UST: variants seen among roughly 807,000 people sequenced by gnomAD.
UST encodes the protein uronyl 2-sulfotransferase.
A neutral mutation model predicts 45.6 loss-of-function variants in UST; 21 were observed. The observed-to-expected ratio is 0.46, with a 90% CI of 0.33 to 0.66. The LOEUF is 0.66. Among genes scored for constraint, UST ranks in the 30% least tolerant of loss-of-function variants. The pLI, the probability that UST is intolerant of heterozygous loss-of-function variation, is 0.02. For missense variants in UST, 463 were observed against 512.4 expected, an observed-to-expected ratio of 0.90 and a Z score of 0.93; for synonymous variants, 215 against 200.6, an observed-to-expected ratio of 1.07 and a Z score of -0.61.
chr6:148,893,399 T>C (rs1779056909), intron 2 of UST, among the ~76,000 whole-genome samples: 1 of 152,204 alleles, frequency 6.6e-6, no homozygotes, highest in African/African-American at 2.4e-5. Context: ...CTAATTTCCC[T>C]TTAGTATTGA....
intron 1 of UST, among the ~76,000 whole-genome samples, chr6:148,864,068 C>T (rs1383055453): frequency 1.3e-5 from 2 of 152,216 alleles, no homozygotes; most frequent in Admixed American, 6.5e-5. Context: ...GAGGTTTCTG[C>T]TGCCTTTTGT....
At position 148,876,567 on chromosome 6, in the gene UST, C is replaced by G. The variant is rs146286397; in HGVS notation, c.248-10419C>G. Among the ~76,000 whole-genome samples the G allele has an allele frequency of 6.4e-3, 971 of 152,204 alleles. 8 individuals are homozygous for G. Among genetic ancestry groups the G allele is most frequent in the African/African-American group, 0.022 (923 of 41,512 alleles). Reference sequence around the variant, plus strand: ...AGGATTGACTCTACAACCCCTGGGCCATGTTCTTTGTCACTACTCAGTTCT... The same window carrying G: ...AGGATTGACTCTACAACCCCTGGGCGATGTTCTTTGTCACTACTCAGTTCT... On this transcript the variant is annotated intron_variant, in intron 1 of 7. Coordinates refer to ENST00000367463, the MANE Select transcript of UST (RefSeq NM_005715.3).
At chr6:148,763,971 C>T (rs1217506869) in intron 1 of UST, among the ~76,000 whole-genome samples, 1 of 152,130 alleles carries the variant, frequency 6.6e-6, no homozygotes, top group Non-Finnish European at 1.5e-5. Context: ...ATTGCTTTGA[C>T]TATTCAGGGT....
intron 1 of UST, among the ~76,000 whole-genome samples, chr6:148,860,274 A>C (rs1778284754): frequency 6.6e-6 from 1 of 152,078 alleles, no homozygotes; most frequent in South Asian, 2.1e-4. Context: ...ATGGGAGTTC[A>C]CTCATGATTT....
At chr6:148,959,697 T>A (rs1451915297) in intron 4 of UST, among the ~76,000 whole-genome samples, 1 of 152,218 alleles carries the variant, frequency 6.6e-6, no homozygotes. Flanking sequence ...CATCTTCCTC[T>A]GTGAGTGGGA....
chr6:149,071,540 C>G (rs1267620853), intron 7 of UST, among the ~76,000 whole-genome samples: 2 of 151,998 alleles, frequency 1.3e-5, no homozygotes, highest in Non-Finnish European at 2.9e-5. Flanking sequence ...CAATTAAAAA[C>G]TTCTATATGT....
chr6:148,791,434 A>G (rs1776845953), intron 1 of UST, among the ~76,000 whole-genome samples: 1 of 152,192 alleles, frequency 6.6e-6, no homozygotes, highest in Non-Finnish European at 1.5e-5. Flanking sequence ...TTTTTGTTAC[A>G]TATGTTTTCT....
In UST at chr6:148,875,977, TA is replaced by T. The variant is rs1329319586; in HGVS notation, c.248-11006del. On this transcript the variant is annotated intron_variant, in intron 1 of 7. Transcript: ENST00000367463. ...TTTGATTTTAAATTTAAATTTACAT[TA>T]AATATATGTATTAAGCTGTTCTTGC... is the stretch of plus-strand genomic sequence containing the variant. Among the ~76,000 whole-genome samples, 8 of 152,322 alleles carry T rather than the reference TA, an allele frequency of 5.3e-5. No homozygotes were observed. In the East Asian group the frequency reaches 1.5e-3, roughly 29 times the overall value.
intron 1 of UST, among the ~76,000 whole-genome samples, chr6:148,869,035 A>C (rs979040589): frequency 2.6e-5 from 4 of 152,214 alleles, no homozygotes; most frequent in African/African-American, 9.6e-5. Context: ...TAAAACTCAG[A>C]AACTGCAAGA....
At chr6:148,970,868 A>G (rs1271243684) in intron 5 of UST, among the ~76,000 whole-genome samples, 1 of 152,162 alleles carries the variant, frequency 6.6e-6, no homozygotes, top group African/African-American at 2.4e-5. Context: ...TCCACTTTTA[A>G]GGACTTATGT....
intron 1 of UST, among the ~76,000 whole-genome samples, chr6:148,867,295 C>T (rs866709721): frequency 1.0e-3 from 127 of 127,638 alleles, no homozygotes; most frequent in African/African-American, 3.9e-3. Flanking sequence ...TACACACACA[C>T]ACACACACAC....
intron 1 of UST, among the ~76,000 whole-genome samples, chr6:148,829,449 A>G (rs1162826048): frequency 1.3e-5 from 2 of 152,192 alleles, no homozygotes; most frequent in Non-Finnish European, 2.9e-5. Flanking sequence ...GGCAGAGCAC[A>G]TGGGCTAATT....
At chr6:148,811,126 G>A (rs930579681) in intron 1 of UST, among the ~76,000 whole-genome samples, 1 of 152,186 alleles carries the variant, frequency 6.6e-6, no homozygotes, top group Non-Finnish European at 1.5e-5. Flanking sequence ...AGGATACATC[G>A]ATTATTGCTC....
chr6:148,999,647 C>T (rs1489200020), intron 5 of UST, among the ~76,000 whole-genome samples: 1 of 151,634 alleles, frequency 6.6e-6, no homozygotes, highest in Non-Finnish European at 1.5e-5. Flanking sequence ...GTCCTTTACC[C>T]TCTGACATAT....
intron 1 of UST, among the ~76,000 whole-genome samples, chr6:148,792,487 A>G (rs559510630): frequency 1.6e-3 from 239 of 152,254 alleles, no homozygotes; most frequent in Non-Finnish European, 2.5e-3. Flanking sequence ...GACAACTTTG[A>G]AAAATCTTCC....
intron 1 of UST, among the ~76,000 whole-genome samples, chr6:148,754,441 T>G (rs1274574937): frequency 6.6e-6 from 1 of 152,302 alleles, no homozygotes; most frequent in East Asian, 1.9e-4. Context: ...ATTTCTGGTC[T>G]TTTGTCCCTC....
chr6:148,877,010 G>A (rs1471987191), intron 1 of UST, among the ~76,000 whole-genome samples: 2 of 59,370 alleles, frequency 3.4e-5, no homozygotes, highest in African/African-American at 7.7e-5. Context: ...ATGAGTTGGG[G>A]GGGGTCATGT....
intron 5 of UST, among the ~76,000 whole-genome samples, chr6:148,967,183 A>G (rs1220425958): frequency 1.3e-5 from 2 of 152,184 alleles, no homozygotes. Flanking sequence ...TTCTGCCCTT[A>G]GAAATTTGTA....
chr6:148,829,798 C>T (rs1318164758), intron 1 of UST, among the ~76,000 whole-genome samples: 1 of 152,172 alleles, frequency 6.6e-6, no homozygotes, highest in African/African-American at 2.4e-5. Context: ...TCTCAAAACA[C>T]AAAACAATTT....
Sources: gnomAD v4.1 joint callset for allele counts (sites outside exome capture counted in the v4.1 genomes callset) on GRCh38, gnomAD v4.1.1 for gene constraint, MANE v1.5 for transcripts, NCBI Gene and HGNC (gene_info 2026-07-23, HGNC 2026-07-21) for gene names.